The following ASIC2 variants were observed in gnomAD, a reference collection of about 807,000 sequenced individuals.
ASIC2 encodes acid-sensing ion channel 2.
ASIC2 carries 25 observed loss-of-function variants against 57.3 expected under a neutral mutation model. That is an observed-to-expected ratio of 0.44 (90% CI 0.32 to 0.61). The LOEUF is 0.61. ASIC2 is among the 20% of genes least tolerant of loss of function. The pLI is 0.06. For synonymous variants in ASIC2, 319 were observed against 307.5 expected (o/e 1.04, Z -0.39); for missense variants, 641 against 738.1 (o/e 0.87, Z 1.52).
chr17:33,421,161 C>T lies in ASIC2; in HGVS notation c.556-309094G>A, dbSNP rs373823460. 5.9e-5 allele frequency among the ~76,000 whole-genome samples: 9 copies of T among 152,156 alleles called. No individual in the cohort carries two copies. In the East Asian group the frequency reaches 1.2e-3, roughly 20 times the overall value. On this transcript the variant is annotated intron_variant, in intron 1 of 9. Transcript: ENST00000359872. ...ATAGGTCTTTGTCACCAGGAAGGTT[C>T]TGTGAGCTGGGGAGCTGGGGAGCAA...
At chr17:33,822,892 AG>A (rs759862968) in intron 1 of ASIC2, among the ~76,000 whole-genome samples, 3 of 152,220 alleles carry the variant, frequency 2.0e-5, no homozygotes, top group Non-Finnish European at 2.9e-5. Context: ...GAAAATGGAA[AG>A]CTTGATCATA....
At chr17:33,474,811 AGT>A (rs542500928) in intron 1 of ASIC2, among the ~76,000 whole-genome samples, 120 of 152,278 alleles carry the variant, frequency 7.9e-4, no homozygotes, top group African/African-American at 2.8e-3. Context: ...CAGTATGTAC[AGT>A]GTGTGGGGTA....
chr17:33,939,503 C>T (rs1916138708), intron 1 of ASIC2, among the ~76,000 whole-genome samples: 1 of 152,200 alleles, frequency 6.6e-6, no homozygotes, highest in South Asian at 2.1e-4. Context: ...AACTAGACTC[C>T]TCTAATTCCC....
intron 1 of ASIC2, among the ~76,000 whole-genome samples, chr17:33,414,261 C>T (rs1242814357): frequency 6.6e-6 from 1 of 152,078 alleles, no homozygotes; most frequent in Non-Finnish European, 1.5e-5. Context: ...AGAGGTTAGA[C>T]CATGCAGGGA....
intron 1 of ASIC2, among the ~76,000 whole-genome samples, chr17:33,511,628 C>A (rs761425910): frequency 3.3e-5 from 5 of 152,186 alleles, no homozygotes; most frequent in Admixed American, 6.5e-5. Flanking sequence ...CAAGTCAAGG[C>A]CATTGCTGCC....
At chr17:33,584,633 G>A (rs912870117) in intron 1 of ASIC2, among the ~76,000 whole-genome samples, 4 of 152,108 alleles carry the variant, frequency 2.6e-5, no homozygotes, top group Non-Finnish European at 5.9e-5. Flanking sequence ...GCTGAGAACA[G>A]CCAGAAGAAC....
chr17:33,677,641 G>T (rs1056289197), intron 1 of ASIC2, among the ~76,000 whole-genome samples: 5 of 152,194 alleles, frequency 3.3e-5, no homozygotes, highest in Non-Finnish European at 5.9e-5. Context: ...GGAGTTCAAG[G>T]CTTCAGGGGA....
At chr17:33,167,126 A>T (rs1328373679) in intron 1 of ASIC2, among the ~76,000 whole-genome samples, 1 of 152,156 alleles carries the variant, frequency 6.6e-6, no homozygotes, top group Admixed American at 6.5e-5. Context: ...TGTTTTAAAG[A>T]TGAAGCCCCA....
chr17:33,836,076 AC>A (rs1913265442), intron 1 of ASIC2, among the ~76,000 whole-genome samples: 1 of 148,228 alleles, frequency 6.7e-6, no homozygotes, highest in Non-Finnish European at 1.5e-5. Flanking sequence ...ATATACACAC[AC>A]ACACACATAT....
At chr17:33,786,715 C>T (rs1911610243) in intron 1 of ASIC2, among the ~76,000 whole-genome samples, 1 of 152,138 alleles carries the variant, frequency 6.6e-6, no homozygotes, top group Non-Finnish European at 1.5e-5. Context: ...GTCCTAAGCC[C>T]TGGGTCATTT....
intron 1 of ASIC2, among the ~76,000 whole-genome samples, chr17:33,195,723 G>T (rs1906597423): frequency 6.6e-6 from 1 of 152,152 alleles, no homozygotes; most frequent in Admixed American, 6.5e-5. Flanking sequence ...AGGATCAGAA[G>T]GCCAAATGGC....
At chr17:33,163,640 A>G (rs2067361738) in intron 1 of ASIC2, among the ~76,000 whole-genome samples, 2 of 152,134 alleles carry the variant, frequency 1.3e-5, no homozygotes, top group Admixed American at 6.5e-5. Flanking sequence ...CCTGGGTACT[A>G]TTCTAGCTCT....
At chr17:33,988,661 TTTG>T (rs1339766547) in intron 1 of ASIC2, among the ~76,000 whole-genome samples, 1 of 151,862 alleles carries the variant, frequency 6.6e-6, no homozygotes, top group Non-Finnish European at 1.5e-5. Flanking sequence ...GGGCTGTATT[TTTG>T]TTGTTGTTGT....
chr17:33,591,136 T>C (rs1314080028), intron 1 of ASIC2, among the ~76,000 whole-genome samples: 2 of 152,228 alleles, frequency 1.3e-5, no homozygotes, highest in African/African-American at 4.8e-5. Flanking sequence ...AAAGGCTGTC[T>C]ACTTTTAAGT....
At chr17:34,064,191 G>A (rs562702631) in intron 1 of ASIC2, among the ~76,000 whole-genome samples, 28 of 152,158 alleles carry the variant, frequency 1.8e-4, no homozygotes, top group Non-Finnish European at 3.2e-4. Context: ...ATAGACCAAT[G>A]GAACAGAATA....
chr17:33,547,905 T>C (rs1355231656), intron 1 of ASIC2, among the ~76,000 whole-genome samples: 1 of 152,122 alleles, frequency 6.6e-6, no homozygotes, highest in Non-Finnish European at 1.5e-5. Flanking sequence ...AAAACTGCAG[T>C]GACCAATTCT....
chr17:33,715,034 C>T (rs1262079973), intron 1 of ASIC2, among the ~76,000 whole-genome samples: 2 of 134,582 alleles, frequency 1.5e-5, no homozygotes, highest in Non-Finnish European at 3.2e-5. Context: ...GGTTCTCTCT[C>T]TGTCACTTTG....
intron 1 of ASIC2, among the ~76,000 whole-genome samples, chr17:33,525,455 C>A (rs1026984179): frequency 6.6e-6 from 1 of 152,206 alleles, no homozygotes; most frequent in African/African-American, 2.4e-5. Flanking sequence ...AGGACCCTAT[C>A]TTCTGCAGGA....
chr17:33,690,377 G>A (rs539408886), intron 1 of ASIC2, among the ~76,000 whole-genome samples: 2 of 152,336 alleles, frequency 1.3e-5, no homozygotes, highest in South Asian at 4.1e-4. Context: ...CTCAGCTGAT[G>A]CCTCAGCTAG....
Sources: allele counts gnomAD v4.1 joint callset (sites outside exome capture counted in the v4.1 genomes callset), GRCh38; gene constraint gnomAD v4.1.1; transcripts MANE v1.5; gene names NCBI Gene and HGNC (gene_info 2026-07-23, HGNC 2026-07-21).